PTPRN2: variants seen among roughly 807,000 people sequenced by gnomAD.
The protein encoded by PTPRN2 is receptor-type tyrosine-protein phosphatase N2.
PTPRN2 carries 74 observed loss-of-function variants against 118.8 expected under a neutral mutation model. That is an observed-to-expected ratio of 0.62 (90% CI 0.52 to 0.76). The LOEUF is 0.76. PTPRN2 is among the 30% of genes least tolerant of loss of function. The probability of loss-of-function intolerance (pLI) is 0.00; values close to 1 mark genes in which losing one functional copy is unlikely to be tolerated. For missense variants in PTPRN2, 1,481 were observed against 1,394.4 expected (o/e 1.06, Z -0.99); for synonymous variants, 641 against 608.0 (o/e 1.05, Z -0.80).
At chr7:158,364,448 G>T (rs902868295) in intron 2 of PTPRN2, among the ~76,000 whole-genome samples, 1 of 149,702 alleles carries the variant, frequency 6.7e-6, no homozygotes, top group African/African-American at 2.5e-5. Context: ...TCCTCACTTC[G>T]TATTCAGGTA....
intron 12 of PTPRN2, among the ~76,000 whole-genome samples, chr7:157,728,417 C>T (rs921602169): frequency 6.6e-6 from 1 of 152,230 alleles, no homozygotes; most frequent in Admixed American, 6.5e-5. Context: ...GGGCTCCTGG[C>T]GCCCATGGCG....
intron 1 of PTPRN2, among the ~76,000 whole-genome samples, chr7:158,542,375 A>G (rs1405254997): frequency 6.6e-6 from 1 of 152,186 alleles, no homozygotes; most frequent in East Asian, 1.9e-4. Context: ...CTGGTCTCGA[A>G]CTTCTAACCT....
At chr7:157,842,156 C>T (rs986926544) in intron 12 of PTPRN2, among the ~76,000 whole-genome samples, 4 of 152,158 alleles carry the variant, frequency 2.6e-5, no homozygotes, top group Non-Finnish European at 5.9e-5. Context: ...TTAGAAACGG[C>T]ATTATTTGCT....
chr7:158,013,344 G>A (rs1806178118), intron 11 of PTPRN2, among the ~76,000 whole-genome samples: 1 of 152,108 alleles, frequency 6.6e-6, no homozygotes, highest in African/African-American at 2.4e-5. Flanking sequence ...ATATTCTCCA[G>A]CAAACCATTC....
At chr7:158,392,159 C>A (rs1811977191) in intron 2 of PTPRN2, among the ~76,000 whole-genome samples, 1 of 152,092 alleles carries the variant, frequency 6.6e-6, no homozygotes, top group Non-Finnish European at 1.5e-5. Flanking sequence ...GAGGGTGGAC[C>A]TCCCCTCTCC....
intron 10 of PTPRN2, among the ~76,000 whole-genome samples, chr7:158,097,437 C>T (rs1020124359): frequency 5.3e-5 from 8 of 152,228 alleles, no homozygotes; most frequent in Admixed American, 2.0e-4. Flanking sequence ...AACGCTTCTC[C>T]CACCAGGAGA....
At chr7:158,031,667 C>T (rs1024177182) in intron 11 of PTPRN2, among the ~76,000 whole-genome samples, 1 of 152,134 alleles carries the variant, frequency 6.6e-6, no homozygotes, top group Non-Finnish European at 1.5e-5. Context: ...AGGAAGACAG[C>T]CTCAGCCACA....
chr7:157,577,999 T>C, intron 18 of PTPRN2, 22 bp downstream of exon 18: 1 of 1,592,672 alleles, frequency 6.3e-7, no homozygotes, highest in South Asian at 1.1e-5. Context: ...GGTCCTGCCC[T>C]GGGTGGCTCT....
intron 12 of PTPRN2, among the ~76,000 whole-genome samples, chr7:157,805,584 C>A (rs189623168): frequency 1.5e-4 from 23 of 152,304 alleles, no homozygotes; most frequent in Admixed American, 1.4e-3. Flanking sequence ...TGTTTAAAGT[C>A]ATTAACGTTG....
At chr7:158,163,350 C>T (rs1271290205) in intron 6 of PTPRN2, among the ~76,000 whole-genome samples, 2 of 142,514 alleles carry the variant, frequency 1.4e-5, no homozygotes, top group Admixed American at 1.4e-4. Flanking sequence ...TCATAGGTGA[C>T]GCCTGTACGG....
intron 12 of PTPRN2, among the ~76,000 whole-genome samples, chr7:157,876,119 C>T: frequency 6.6e-6 from 1 of 152,230 alleles, no homozygotes; most frequent in East Asian, 1.9e-4. Context: ...TCCTTGCAAA[C>T]AATGCAGTCC....
intron 14 of PTPRN2, among the ~76,000 whole-genome samples, chr7:157,651,583 A>G (rs975347418): frequency 3.3e-5 from 5 of 152,048 alleles, no homozygotes; most frequent in African/African-American, 1.2e-4. Context: ...GGACGGTGAC[A>G]CTCTTCTCCA....
intron 2 of PTPRN2, among the ~76,000 whole-genome samples, chr7:158,458,176 T>G (rs1300858108): frequency 6.6e-6 from 1 of 152,210 alleles, no homozygotes; most frequent in Non-Finnish European, 1.5e-5. Flanking sequence ...GAGCTTGGCC[T>G]GTGCTCCGCT....
At chr7:158,180,777 T>A (rs1824636956) in intron 5 of PTPRN2, among the ~76,000 whole-genome samples, 1 of 152,248 alleles carries the variant, frequency 6.6e-6, no homozygotes, top group Non-Finnish European at 1.5e-5. Context: ...GCTACTGATT[T>A]GTGTACATTG....
At chr7:157,759,606 G>T (rs1243264036) in intron 12 of PTPRN2, among the ~76,000 whole-genome samples, 1 of 152,238 alleles carries the variant, frequency 6.6e-6, no homozygotes, top group Non-Finnish European at 1.5e-5. Context: ...ACTCAGACAT[G>T]TGGGGCTCAC....
At chr7:157,932,822 TTGAC>T (rs1355018937) in intron 11 of PTPRN2, among the ~76,000 whole-genome samples, 7 of 150,754 alleles carry the variant, frequency 4.6e-5, no homozygotes, top group East Asian at 4.0e-4. Context: ...GTGACTCACT[TTGAC>T]TGACATTTAT....
intron 2 of PTPRN2, among the ~76,000 whole-genome samples, chr7:158,469,494 A>C (rs1168419844): frequency 6.6e-6 from 1 of 152,188 alleles, no homozygotes; most frequent in Non-Finnish European, 1.5e-5. Context: ...ACACCAAAAA[A>C]ATGTGTAAAG....
At chr7:158,319,262 C>T (rs113491885) in intron 2 of PTPRN2, among the ~76,000 whole-genome samples, 2,508 of 151,638 alleles carry the variant, frequency 0.017, 79 homozygotes, top group African/African-American at 0.056. Context: ...GTGCTGAATG[C>T]AGTGGACACA....
chr7:157,667,840 T>C (rs984813620), intron 13 of PTPRN2, among the ~76,000 whole-genome samples: 1 of 152,238 alleles, frequency 6.6e-6, no homozygotes, highest in Non-Finnish European at 1.5e-5. Context: ...AAAATTGATC[T>C]TTTTGCAGCT....
Sources: gnomAD v4.1 joint callset for allele counts (sites outside exome capture counted in the v4.1 genomes callset) on GRCh38, gnomAD v4.1.1 for gene constraint, MANE v1.5 for transcripts, NCBI Gene and HGNC (gene_info 2026-07-23, HGNC 2026-07-21) for gene names.